Variants in NDUFS4 observed in about 807,000 individuals in gnomAD.
The protein encoded by NDUFS4 is NADH dehydrogenase [ubiquinone] iron-sulfur protein 4, mitochondrial.
In NDUFS4, 28 loss-of-function variants were observed where a neutral mutation model predicts 24.3. The observed-to-expected ratio is 1.15, with a 90% confidence interval of 0.85 to 1.58. NDUFS4 has a LOEUF of 1.58. Among genes scored for constraint, NDUFS4 ranks in the 40% most tolerant of loss-of-function variants. NDUFS4 has a pLI of 0.00. For missense variants in NDUFS4, 223 were observed against 207.9 expected (o/e 1.07, Z -0.45); for synonymous variants, 93 against 69.7 (o/e 1.34, Z -1.67).
At chr5:53,641,018 T>C (rs1388413132) in intron 2 of NDUFS4, among the ~76,000 whole-genome samples, 2 of 152,160 alleles carry the variant, frequency 1.3e-5, no homozygotes, top group African/African-American at 4.8e-5. Context: ...AAATGTTTGT[T>C]ATTTTCTTGA....
At chr5:53,584,356 G>C (rs1749671842) in intron 1 of NDUFS4, among the ~76,000 whole-genome samples, 1 of 152,048 alleles carries the variant, frequency 6.6e-6, no homozygotes, top group Non-Finnish European at 1.5e-5. Context: ...GAGTTCAACT[G>C]AGCTTCTTTT....
intron 4 of NDUFS4, among the ~76,000 whole-genome samples, chr5:53,659,256 C>G (rs1160803651): frequency 6.6e-6 from 1 of 152,218 alleles, no homozygotes; most frequent in Non-Finnish European, 1.5e-5. Context: ...AACAAAAATG[C>G]AAAATGTCTT....
intron 1 of NDUFS4, among the ~76,000 whole-genome samples, chr5:53,573,257 G>C (rs1211376476): frequency 1.3e-5 from 2 of 152,088 alleles, no homozygotes; most frequent in Non-Finnish European, 2.9e-5. Context: ...TTACAGGTGT[G>C]AGCCACTGCA....
chr5:53,591,268 C>T (rs541163700), intron 1 of NDUFS4, among the ~76,000 whole-genome samples: 1 of 152,130 alleles, frequency 6.6e-6, no homozygotes, highest in South Asian at 2.1e-4. Flanking sequence ...CTAGTCCCTG[C>T]TTTAGTTTGT....
intron 3 of NDUFS4, among the ~76,000 whole-genome samples, chr5:53,647,381 A>AT (rs1446674975): frequency 3.3e-5 from 5 of 150,406 alleles, no homozygotes; most frequent in South Asian, 2.1e-4. Flanking sequence ...CACCTGGCCA[A>AT]TTTTTTTTTA....
intron 2 of NDUFS4, among the ~76,000 whole-genome samples, chr5:53,619,517 A>G (rs1024141120): frequency 2.7e-5 from 4 of 150,178 alleles, no homozygotes; most frequent in Admixed American, 2.7e-4. Flanking sequence ...AACACATTAT[A>G]CATCATAAAT....
intron 2 of NDUFS4, among the ~76,000 whole-genome samples, chr5:53,622,877 T>C (rs892909820): frequency 1.3e-5 from 2 of 152,208 alleles, no homozygotes; most frequent in Non-Finnish European, 1.5e-5. Context: ...CATTAAATAT[T>C]AACTGTCCTT....
chr5:53,579,830 C>G (rs2112425732), intron 1 of NDUFS4, among the ~76,000 whole-genome samples: 1 of 152,230 alleles, frequency 6.6e-6, no homozygotes, highest in South Asian at 2.1e-4. Context: ...AAGAAGGATG[C>G]AGGTGGAGTC....
chr5:53,606,641 A>G (rs1017743780), intron 2 of NDUFS4, among the ~76,000 whole-genome samples: 5 of 152,234 alleles, frequency 3.3e-5, no homozygotes, highest in African/African-American at 1.2e-4. Context: ...CTGGGATTAC[A>G]GGCATGAGTC....
At chr5:53,666,029 T>A (rs2112532384) in intron 4 of NDUFS4, among the ~76,000 whole-genome samples, 1 of 152,368 alleles carries the variant, frequency 6.6e-6, no homozygotes, top group East Asian at 1.9e-4. Flanking sequence ...GTGCAATTCC[T>A]TACTTATACT....
chr5:53,583,137 A>G (rs1329098215), intron 1 of NDUFS4, among the ~76,000 whole-genome samples: 1 of 152,126 alleles, frequency 6.6e-6, no homozygotes, highest in East Asian at 1.9e-4. Context: ...TCGGCCTCCC[A>G]AAGTGCTGGG....
chr5:53,610,061 A>G (rs185754007), intron 2 of NDUFS4, among the ~76,000 whole-genome samples: 5 of 152,314 alleles, frequency 3.3e-5, no homozygotes, highest in Non-Finnish European at 5.9e-5. Context: ...TGCATTCACA[A>G]CTTGGCTGTT....
intron 1 of NDUFS4, among the ~76,000 whole-genome samples, chr5:53,589,060 T>C (rs1001117652): frequency 2.6e-5 from 4 of 152,190 alleles, no homozygotes; most frequent in African/African-American, 4.8e-5. Flanking sequence ...GATCATCTAA[T>C]GGCTTTTTGA....
chr5:53,657,033 A>G (rs548581111), intron 3 of NDUFS4, among the ~76,000 whole-genome samples: 1 of 152,284 alleles, frequency 6.6e-6, no homozygotes, highest in East Asian at 1.9e-4. Context: ...TTTGATTTCT[A>G]TATGTATGTA....
intron 2 of NDUFS4, among the ~76,000 whole-genome samples, chr5:53,606,115 C>T (rs4640749): frequency 1.3e-5 from 2 of 151,312 alleles, no homozygotes; most frequent in Non-Finnish European, 2.9e-5. Context: ...ACCTGGGAGG[C>T]GGAGCTTGCA....
intron 2 of NDUFS4, among the ~76,000 whole-genome samples, chr5:53,612,601 G>A (rs879365445): frequency 2.0e-5 from 3 of 152,052 alleles, no homozygotes; most frequent in Non-Finnish European, 2.9e-5. Context: ...TATTCTGAAT[G>A]TTGCCAATTG....
chr5:53,588,943 G>A (rs1000288877), intron 1 of NDUFS4, among the ~76,000 whole-genome samples: 1 of 151,766 alleles, frequency 6.6e-6, no homozygotes, highest in East Asian at 1.9e-4. Flanking sequence ...AAAGTGACAA[G>A]TTGGAACACT....
rs139895928 is a variant in NDUFS4, at chr5:53,667,351, G to A, written c.424+8727G>A. Among the ~76,000 whole-genome samples the A allele has an allele frequency of 8.0e-3, 1,220 of 152,168 alleles. 18 individuals carry two copies. Among genetic ancestry groups the A allele is most frequent in the African/African-American group, 0.027 (1,126 of 41,528 alleles). ...ATGGTGGCACATGCCTGTAATCCCA[G>A]CTACTCAGGAGGCTGAGGCAGGAGA... On this transcript the variant is annotated intron_variant, in intron 4 of 4. Transcript: ENST00000296684.
intron 2 of NDUFS4, among the ~76,000 whole-genome samples, chr5:53,612,311 C>T (rs1009352846): frequency 6.6e-6 from 1 of 151,980 alleles, no homozygotes; most frequent in Non-Finnish European, 1.5e-5. Context: ...AACTATTAAG[C>T]ACCACCTGTT....
Sources: allele counts gnomAD v4.1 joint callset (sites outside exome capture counted in the v4.1 genomes callset), GRCh38; gene constraint gnomAD v4.1.1; transcripts MANE v1.5; gene names NCBI Gene and HGNC (gene_info 2026-07-23, HGNC 2026-07-21).